The following TRMT9B variants were observed in gnomAD, a reference collection of about 807,000 sequenced individuals.
TRMT9B encodes the protein probable tRNA methyltransferase 9B.
TRMT9B carries 16 observed loss-of-function variants against 11.5 expected under a neutral mutation model. That is an observed-to-expected ratio of 1.39 (90% CI 0.94 to 2.11). The LOEUF is 2.11. Among genes scored for constraint, TRMT9B ranks in the 30% most tolerant of loss-of-function variants. The probability of loss-of-function intolerance (pLI) is 0.00; values close to 1 mark genes in which losing one functional copy is unlikely to be tolerated. For synonymous variants in TRMT9B, 274 were observed against 192.4 expected, an observed-to-expected ratio of 1.42 and a Z score of -3.51; for missense variants, 941 against 553.8, an observed-to-expected ratio of 1.70 and a Z score of -7.02.
At chr8:12,967,011 G>C (rs983643146) in intron 1 of TRMT9B, among the ~76,000 whole-genome samples, 5 of 152,142 alleles carry the variant, frequency 3.3e-5, no homozygotes, top group African/African-American at 7.2e-5. Context: ...TACAGACACC[G>C]ACGGTGAATA....
At chr8:12,990,092 G>A (rs1585231675) in intron 1 of TRMT9B, among the ~76,000 whole-genome samples, 1 of 152,292 alleles carries the variant, frequency 6.6e-6, no homozygotes. Flanking sequence ...GAGAATCACT[G>A]GGTGTAATAA....
At chr8:12,967,151 G>C (rs939828702) in intron 1 of TRMT9B, among the ~76,000 whole-genome samples, 17 of 152,162 alleles carry the variant, frequency 1.1e-4, no homozygotes, top group Admixed American at 8.5e-4. Flanking sequence ...TAGGATCCTG[G>C]GTAAGTCATC....
intron 3 of TRMT9B, 138 bp from the exon 4 acceptor site, chr8:13,012,546 G>C: frequency 8.6e-7 from 1 of 1,162,334 alleles, no homozygotes; most frequent in Non-Finnish European, 1.2e-6. Context: ...CTGCACTCCA[G>C]CCTGGGTGAC....
intron 1 of TRMT9B, among the ~76,000 whole-genome samples, chr8:12,974,754 G>A (rs1804171606): frequency 1.3e-5 from 2 of 152,202 alleles, no homozygotes. Flanking sequence ...AGGGACAGGA[G>A]GCGGGACAGC....
Position 12,997,738 on chromosome 8 carries a change from T to G in TRMT9B, c.-2+6707T>G, listed in dbSNP as rs74986017. ...TCTTTTGGTGAATATGGGTGTCCAT[T>G]TCTTTCGGATATATGTATATACTTT... On this transcript the variant is annotated intron_variant, in intron 2 of 4. Transcript: ENST00000524591. Among the ~76,000 whole-genome samples, 187 of 152,338 alleles carry G rather than the reference T, an allele frequency of 1.2e-3. 2 individuals carry two copies. The highest frequency in any genetic ancestry group is 4.5e-3 in the African/African-American group (187 of 41,576).
chr8:13,009,019 C>G (rs931582070), intron 3 of TRMT9B, among the ~76,000 whole-genome samples: 1 of 152,098 alleles, frequency 6.6e-6, no homozygotes, highest in South Asian at 2.1e-4. Flanking sequence ...TGAGCCACCG[C>G]GCCCGGCCGG....
chr8:12,974,769 G>T (rs1585157034), intron 1 of TRMT9B, among the ~76,000 whole-genome samples: 2 of 152,206 alleles, frequency 1.3e-5, no homozygotes, highest in Admixed American at 6.5e-5. Context: ...GACAGCAGCA[G>T]GCAGGGTTTT....
intron 4 of TRMT9B, among the ~76,000 whole-genome samples, chr8:13,019,536 C>T (rs552760796): frequency 2.0e-5 from 3 of 152,302 alleles, no homozygotes; most frequent in Non-Finnish European, 2.9e-5. Flanking sequence ...TCAAGAGTTC[C>T]GCCCACCTCA....
chr8:13,002,498 A>T lies in TRMT9B; in HGVS notation c.-1-3704A>T, dbSNP rs183672697. 3.5e-3 allele frequency among the ~76,000 whole-genome samples: 533 copies of T among 152,292 alleles called. 6 individuals are homozygous for T. Among genetic ancestry groups the T allele is most frequent in the African/African-American group, 0.012 (492 of 41,560 alleles). On this transcript the variant is annotated intron_variant, in intron 2 of 4. Coordinates refer to ENST00000524591, the MANE Select transcript of TRMT9B (RefSeq NM_020844.3). ...TGAAGGTGCAACATAAGCTGTTTCA[A>T]TTTGGGTGGAAGTTTAGTCAGACCT... is the stretch of plus-strand genomic sequence containing the variant.
intron 4 of TRMT9B, among the ~76,000 whole-genome samples, chr8:13,014,515 C>T (rs1812256101): frequency 6.6e-6 from 1 of 152,074 alleles, no homozygotes; most frequent in African/African-American, 2.4e-5. Context: ...CTGGTCTCTT[C>T]TTATAAATAG....
intron 1 of TRMT9B, among the ~76,000 whole-genome samples, chr8:12,976,298 G>A (rs1402685360): frequency 1.3e-5 from 2 of 151,976 alleles, no homozygotes; most frequent in African/African-American, 2.4e-5. Flanking sequence ...TTTCACCATC[G>A]TAAAAGGCAA....
chr8:12,979,789 A>T (rs1477161312), intron 1 of TRMT9B, among the ~76,000 whole-genome samples: 2 of 152,210 alleles, frequency 1.3e-5, no homozygotes, highest in African/African-American at 4.8e-5. Flanking sequence ...AATTTAGTTA[A>T]AATTGTGAAT....
At chr8:12,998,035 C>T (rs142363917) in intron 2 of TRMT9B, among the ~76,000 whole-genome samples, 42 of 152,292 alleles carry the variant, frequency 2.8e-4, no homozygotes, top group African/African-American at 9.1e-4. Context: ...TCCTGCCCGT[C>T]TCCTGACCAT....
At chr8:13,009,829 C>T (rs1292820191) in intron 3 of TRMT9B, among the ~76,000 whole-genome samples, 1 of 152,042 alleles carries the variant, frequency 6.6e-6, no homozygotes, top group Non-Finnish European at 1.5e-5. Context: ...TTTGCCGCTA[C>T]AAATTACACT....
chr8:12,954,401 C>T (rs149028465), intron 1 of TRMT9B, among the ~76,000 whole-genome samples: 133 of 152,286 alleles, frequency 8.7e-4, no homozygotes, highest in African/African-American at 2.7e-3. Flanking sequence ...ACAAGCAAGA[C>T]ATATTTGGCA....
intron 1 of TRMT9B, chr8:12,969,853 T>C (rs1389238026): frequency 1.3e-5 from 2 of 149,954 alleles, no homozygotes; most frequent in African/African-American, 4.9e-5. Flanking sequence ...TTAATTTTTT[T>C]TTTTTTTTTT....
At chr8:12,951,611 C>G (rs1381765630) in intron 1 of TRMT9B, 11 of 152,192 alleles carry the variant, frequency 7.2e-5, no homozygotes, top group Admixed American at 5.9e-4. Flanking sequence ...CTCCGCCGCG[C>G]GCCAGCCCGC....
intron 2 of TRMT9B, among the ~76,000 whole-genome samples, chr8:13,005,744 C>A (rs148959682): frequency 5.9e-5 from 9 of 152,270 alleles, no homozygotes; most frequent in African/African-American, 2.2e-4. Context: ...AAAAGCAGTA[C>A]TGATACAGAG....
In TRMT9B at chr8:12,990,821, T is replaced by C. The variant is rs776138334; in HGVS notation, c.-199-13T>C. 1 of 1,287,070 alleles carries C rather than the reference T, an allele frequency of 7.8e-7. No individual in the cohort carries two copies. Among genetic ancestry groups the C allele is most frequent in the South Asian group, 1.2e-5 (1 of 80,696 alleles). The allele number at this position is 1,287,070 out of a possible 1,614,324, so 79.7% of individuals were successfully genotyped here. A position where few individuals can be genotyped will look rare whatever the true frequency, so the allele number is the denominator to read the frequency against. On this transcript the variant is annotated splice_polypyrimidine_tract_variant and intron_variant, in intron 1 of 4. Transcript: ENST00000524591. ...TGTGAAATGACATTTAGTATTTGTT[T>C]TCTTCCTGATAGGGCCTGTGCTTCC...
Sources: allele counts gnomAD v4.1 joint callset (sites outside exome capture counted in the v4.1 genomes callset), GRCh38; gene constraint gnomAD v4.1.1; transcripts MANE v1.5; gene names NCBI Gene and HGNC (gene_info 2026-07-23, HGNC 2026-07-21).